The following PAK1IP1 variants were observed in gnomAD, a reference collection of about 807,000 sequenced individuals.
The protein encoded by PAK1IP1 is PAK1 interacting protein 1.
A neutral mutation model predicts 42.0 loss-of-function variants in PAK1IP1; 24 were observed. The ratio of observed to expected loss-of-function variants is 0.57; its 90% CI spans 0.41 to 0.80. The LOEUF (loss-of-function observed/expected upper bound fraction) is 0.80, where lower values mean the gene tolerates loss of function less well. PAK1IP1 is among the 30% of genes least tolerant of loss of function. The pLI is 0.00. For missense variants in PAK1IP1, 411 were observed against 467.9 expected, an observed-to-expected ratio of 0.88 and a Z score of 1.12; for synonymous variants, 154 against 156.7, an observed-to-expected ratio of 0.98 and a Z score of 0.13.
chr6:10,699,222 A>G (rs1769953452), intron 2 of PAK1IP1, among the ~76,000 whole-genome samples: 1 of 149,004 alleles, frequency 6.7e-6, no homozygotes, highest in Non-Finnish European at 1.5e-5. Flanking sequence ...AAAAAAAAAA[A>G]GAGGAAAAGA....
Position 10,697,405 on chromosome 6 carries a change from G to C in PAK1IP1, c.166G>C (p.Val56Leu), listed in dbSNP as rs1158809032. Residue 56 changes from valine (V) to leucine (L), a missense_variant, in exon 2 of 10, where the codon GTC (valine) becomes CTC (leucine). Transcript: ENST00000379568. ...SAVAVNSRFV[V>L]TGSKDETIHI... ...AGTAGCTGTAAATAGTCGTTTTGTG[G>C]TCACTGGGAGCAAAGATGAAACAAT... 1 of 1,613,992 alleles carries C rather than the reference G, an allele frequency of 6.2e-7. No homozygotes were observed. The highest frequency in any genetic ancestry group is 1.7e-5 in the Admixed American group (1 of 60,000).
chr6:10,709,259 T>C lies in PAK1IP1; in HGVS notation c.986T>C (p.Ile329Thr). Reference sequence around the variant, plus strand: ...TTAGTAAGTAAAGAACAGTCCAAAATTGGCAAAAAGGAGCCTGGTGACACA... The same window carrying C: ...TTAGTAAGTAAAGAACAGTCCAAAACTGGCAAAAAGGAGCCTGGTGACACA... Reference protein sequence around the residue: ...PSPVSKEQSKIGKKEPGDTVH... With the variant: ...PSPVSKEQSKTGKKEPGDTVH... The change falls in exon 10 of 10, where the codon ATT becomes ACT. Residue 329 changes from isoleucine (I) to threonine (T), a missense_variant. Ile to Thr is a moderately conservative substitution (Grantham distance 89). Transcript: ENST00000379568. The C allele has an allele frequency of 6.2e-7, 1 of 1,610,470 alleles. No individual in the cohort carries two copies. Among genetic ancestry groups the C allele is most frequent in the Admixed American group, 1.7e-5 (1 of 59,114 alleles).
At chr6:10,704,720 G>A (rs1421513771) in intron 6 of PAK1IP1, 27 bp from the exon 7 acceptor site, 2 of 1,597,802 alleles carry the variant, frequency 1.3e-6, no homozygotes, top group Non-Finnish European at 1.7e-6. Context: ...CATTCTGGAT[G>A]TTATTACTCT....
At chr6:10,694,299 C>T (rs1385827146), upstream of PAK1IP1, among the ~76,000 whole-genome samples, 4 of 151,702 alleles carry the variant, frequency 2.6e-5, no homozygotes, top group South Asian at 2.1e-4. Flanking sequence ...ACTGCTCCCT[C>T]CCCAGGAGGT....
chr6:10,697,816 G>T (rs1035996053), intron 2 of PAK1IP1, among the ~76,000 whole-genome samples: 1 of 151,596 alleles, frequency 6.6e-6, no homozygotes, highest in Non-Finnish European at 1.5e-5. Flanking sequence ...GTTTGAACCC[G>T]TGAGGCAGAG....
upstream of PAK1IP1, among the ~76,000 whole-genome samples, chr6:10,692,269 A>C (rs1769387225): frequency 6.6e-6 from 1 of 152,252 alleles, no homozygotes; most frequent in Non-Finnish European, 1.5e-5. Context: ...TGAAACTTAC[A>C]ATGTCCTGCT....
upstream of PAK1IP1, among the ~76,000 whole-genome samples, chr6:10,694,341 T>C (rs975283561): frequency 2.0e-5 from 3 of 151,368 alleles, no homozygotes; most frequent in Admixed American, 6.6e-5. Context: ...GCCCCAGAGT[T>C]AGACAAGCAG....
At chr6:10,703,041 A>AAG (rs1770084549) in intron 4 of PAK1IP1, among the ~76,000 whole-genome samples, 1 of 151,962 alleles carries the variant, frequency 6.6e-6, no homozygotes, top group South Asian at 2.1e-4. Context: ...TCCTGACCTC[A>AAG]TGATCCGCCC....
chr6:10,698,316 A>G (rs1397170478), intron 2 of PAK1IP1, among the ~76,000 whole-genome samples: 1 of 152,072 alleles, frequency 6.6e-6, no homozygotes, highest in Non-Finnish European at 1.5e-5. Context: ...CGTCATAGCA[A>G]TATCTGACTT....
chr6:10,695,136 A>G, intron 1 of PAK1IP1, 67 bp downstream of exon 1: 1 of 965,140 alleles, frequency 1.0e-6, no homozygotes, highest in Non-Finnish European at 1.6e-6. Flanking sequence ...GTTCCTACAC[A>G]GCAGAGGTGA....
At position 10,704,529 on chromosome 6, in the gene PAK1IP1, C is replaced by G; in HGVS notation, c.519C>G (p.Ser173=). The G allele has an allele frequency of 1.3e-6, 2 of 1,594,836 alleles. No homozygotes were observed. The highest frequency in any genetic ancestry group is 1.7e-6 in the Non-Finnish European group (2 of 1,167,354). ...IKQNAHIVEW[S]PRGEQYVVII... ...CAGATGCTCACATAGTAGAATGGTC[C>G]CCAAGAGGAGAGCAGTATGTAGTTA... The change falls in exon 6 of 10, where the codon TCC becomes TCG. Residue 173 remains serine, a synonymous_variant. Transcript: ENST00000379568.
At position 10,704,760 on chromosome 6, in the gene PAK1IP1, C is replaced by CAGTG; in HGVS notation, c.657_660dup (p.Ala221SerfsTer5). 1 of 1,612,178 alleles carries CAGTG rather than the reference C, an allele frequency of 6.2e-7. No homozygotes were observed. The highest frequency in any genetic ancestry group is 8.5e-7 in the Non-Finnish European group (1 of 1,178,208). On this transcript the variant is annotated frameshift_variant, in exon 7 of 10. Transcript: ENST00000379568. LOFTEE classifies it high-confidence loss of function. Reference sequence around the variant, plus strand: ...CCTCTCTCCTAGGAGTCTGTCCTTGCAGTGGCTGGAGATGAAGAAGTTATA... The same window carrying CAGTG: ...CCTCTCTCCTAGGAGTCTGTCCTTGCAGTGAGTGGCTGGAGATGAAGAAGTTATA...
In PAK1IP1 at chr6:10,707,469, A is replaced by G. The variant is rs2127481884; in HGVS notation, c.795A>G (p.Ala265=). The G allele has an allele frequency of 6.2e-7, 1 of 1,611,760 alleles. No individual in the cohort carries two copies. Among genetic ancestry groups the G allele is most frequent in the African/African-American group, 1.3e-5 (1 of 75,022 alleles). ...EIPEHHVIVS[A]SSDGFIKMWK... ...CAGAGCATCATGTTATTGTTTCAGCATCGAGTGATGGTTTCATCAAAATGT... is the reference window on the plus strand; with the variant it reads ...CAGAGCATCATGTTATTGTTTCAGCGTCGAGTGATGGTTTCATCAAAATGT... Residue 265 remains alanine, a synonymous_variant, in exon 8 of 10, where the codon GCA becomes GCG. Coordinates refer to ENST00000379568, the MANE Select transcript of PAK1IP1 (RefSeq NM_017906.3).
chr6:10,693,449 C>G (rs114111972), upstream of PAK1IP1, among the ~76,000 whole-genome samples: 876 of 152,332 alleles, frequency 5.8e-3, 8 homozygotes, highest in African/African-American at 0.02. Context: ...CAAATGAAAT[C>G]ATTTCTGCAA....
chr6:10,706,702 G>A (rs577270340), intron 7 of PAK1IP1, among the ~76,000 whole-genome samples: 9 of 152,012 alleles, frequency 5.9e-5, no homozygotes, highest in Non-Finnish European at 1.2e-4. Context: ...GACCAACATG[G>A]TGAAACCCCG....
intron 1 of PAK1IP1, among the ~76,000 whole-genome samples, 165 bp downstream of exon 1, chr6:10,695,234 T>C (rs145531831): frequency 7.4e-4 from 113 of 152,326 alleles, no homozygotes; most frequent in African/African-American, 2.5e-3. Context: ...AACCGTAGAA[T>C]GGACATTTTA....
intron 1 of PAK1IP1, 45 bp downstream of exon 1, chr6:10,695,114 A>G: frequency 7.4e-7 from 1 of 1,346,724 alleles, no homozygotes; most frequent in South Asian, 1.2e-5. Flanking sequence ...GGGGCCGGGA[A>G]GGTCGGGTTT....
At chr6:10,693,166 T>A (rs1769503773), upstream of PAK1IP1, among the ~76,000 whole-genome samples, 2 of 152,144 alleles carry the variant, frequency 1.3e-5, no homozygotes, top group Non-Finnish European at 1.5e-5. Flanking sequence ...GGGTATCAGT[T>A]TAAGATTATG....
intron 2 of PAK1IP1, among the ~76,000 whole-genome samples, chr6:10,700,121 C>T (rs1025743167): frequency 1.4e-4 from 22 of 152,042 alleles, no homozygotes; most frequent in East Asian, 3.9e-4. Flanking sequence ...TGCAGTGGCG[C>T]GATCTCGGCT....
Sources: allele counts gnomAD v4.1 joint callset (sites outside exome capture counted in the v4.1 genomes callset), GRCh38; gene constraint gnomAD v4.1.1; transcripts MANE v1.5; gene names NCBI Gene and HGNC (gene_info 2026-07-23, HGNC 2026-07-21).